FGF14: variants seen among roughly 807,000 people sequenced by gnomAD.
The protein encoded by FGF14 is fibroblast growth factor homologous factor 4.
Under a neutral mutation model 25.5 loss-of-function variants are expected in FGF14, and 5 were observed. The ratio of observed to expected loss-of-function variants is 0.20; its 90% CI spans 0.10 to 0.41. FGF14 has a LOEUF of 0.41. FGF14 is among the 10% of genes least tolerant of loss of function. FGF14 has a pLI of 1.00. For synonymous variants in FGF14, 138 were observed against 118.3 expected (o/e 1.17, Z -1.08); for missense variants, 222 against 320.1 (o/e 0.69, Z 2.34).
intron 3 of FGF14, among the ~76,000 whole-genome samples, chr13:101,730,600 A>C (rs1279714358): frequency 6.6e-6 from 1 of 152,230 alleles, no homozygotes; most frequent in South Asian, 2.1e-4. Flanking sequence ...GAGTAATTGC[A>C]CAGTCATACT....
At chr13:102,087,407 C>G (rs2607645) in intron 1 of FGF14, among the ~76,000 whole-genome samples, 1 of 84,446 alleles carries the variant, frequency 1.2e-5, no homozygotes, top group African/African-American at 4.4e-5. Context: ...ACTGTAATTT[C>G]TTTTTTTTTT....
At chr13:102,266,366 G>A (rs1425869518) in intron 1 of FGF14, among the ~76,000 whole-genome samples, 4 of 152,068 alleles carry the variant, frequency 2.6e-5, no homozygotes, top group South Asian at 2.1e-4. Flanking sequence ...ATTGCATACC[G>A]AGGTCACCAT....
intron 1 of FGF14, among the ~76,000 whole-genome samples, chr13:102,242,601 C>T (rs1175059207): frequency 1.3e-5 from 2 of 152,090 alleles, no homozygotes; most frequent in Non-Finnish European, 2.9e-5. Flanking sequence ...CAGCATTGAT[C>T]CATTCCTGAG....
chr13:101,819,523 G>A (rs1351566788), intron 3 of FGF14, among the ~76,000 whole-genome samples: 1 of 152,134 alleles, frequency 6.6e-6, no homozygotes, highest in Admixed American at 6.5e-5. Context: ...TGATGTAAAA[G>A]TAAACTTAAA....
intron 1 of FGF14, among the ~76,000 whole-genome samples, chr13:102,278,847 T>A (rs1045488539): frequency 6.6e-6 from 1 of 152,058 alleles, no homozygotes; most frequent in Non-Finnish European, 1.5e-5. Context: ...GGTGCAATGA[T>A]GAAGTATAAA....
At chr13:102,196,640 C>A (rs1254799827) in intron 1 of FGF14, among the ~76,000 whole-genome samples, 1 of 152,130 alleles carries the variant, frequency 6.6e-6, no homozygotes, top group Non-Finnish European at 1.5e-5. Flanking sequence ...ATGATTAAAT[C>A]AGACTAATTA....
chr13:102,354,412 A>T (rs1272323976), intron 1 of FGF14, among the ~76,000 whole-genome samples: 1 of 152,198 alleles, frequency 6.6e-6, no homozygotes, highest in Non-Finnish European at 1.5e-5. Flanking sequence ...GGCTGATCAA[A>T]GACTCAAAAG....
chr13:102,176,746 G>C (rs2048466210), intron 1 of FGF14, among the ~76,000 whole-genome samples: 1 of 152,040 alleles, frequency 6.6e-6, no homozygotes, highest in African/African-American at 2.4e-5. Flanking sequence ...AAAAAACAAA[G>C]AGGCACAAGG....
At chr13:102,326,282 C>T (rs577144622) in intron 1 of FGF14, among the ~76,000 whole-genome samples, 1 of 152,196 alleles carries the variant, frequency 6.6e-6, no homozygotes, top group African/African-American at 2.4e-5. Context: ...ATTAAATATG[C>T]TAAAGTGACA....
At chr13:101,823,442 ATTTG>A (rs896413043) in intron 3 of FGF14, among the ~76,000 whole-genome samples, 1 of 149,744 alleles carries the variant, frequency 6.7e-6, no homozygotes, top group Non-Finnish European at 1.5e-5. Context: ...ATCTTTATAT[ATTTG>A]TTTGTTTTGA....
chr13:102,035,567 G>A (rs946255284), intron 1 of FGF14, among the ~76,000 whole-genome samples: 4 of 152,128 alleles, frequency 2.6e-5, no homozygotes, highest in African/African-American at 7.2e-5. Flanking sequence ...CCCTGGACCT[G>A]AAGCCAACAT....
At chr13:101,838,441 T>A (rs1046438092) in intron 3 of FGF14, among the ~76,000 whole-genome samples, 1 of 151,990 alleles carries the variant, frequency 6.6e-6, no homozygotes, top group South Asian at 2.1e-4. Flanking sequence ...CAGTGATTCA[T>A]CCTAAAGCCA....
At chr13:102,319,579 T>C (rs1442615856) in intron 1 of FGF14, among the ~76,000 whole-genome samples, 1 of 152,246 alleles carries the variant, frequency 6.6e-6, no homozygotes, top group East Asian at 1.9e-4. Context: ...ACAACTTTGT[T>C]GTCACTGCTA....
At chr13:101,946,091 T>C (rs962217804) in intron 1 of FGF14, among the ~76,000 whole-genome samples, 5 of 152,194 alleles carry the variant, frequency 3.3e-5, no homozygotes, top group Non-Finnish European at 7.3e-5. Context: ...TAATCTTTTA[T>C]ACCTTGGATT....
chr13:102,165,857 G>A (rs1289412659), intron 1 of FGF14, among the ~76,000 whole-genome samples: 1 of 151,462 alleles, frequency 6.6e-6, no homozygotes, highest in African/African-American at 2.4e-5. Flanking sequence ...GGTTGCCAGA[G>A]GCTGGAGGAA....
chr13:102,376,396 A>G (rs2058042004), intron 1 of FGF14, among the ~76,000 whole-genome samples: 4 of 152,150 alleles, frequency 2.6e-5, no homozygotes, highest in Admixed American at 2.6e-4. Flanking sequence ...CCAGTCTCAG[A>G]TATGTCTTTA....
intron 1 of FGF14, among the ~76,000 whole-genome samples, chr13:101,902,715 C>T (rs1316478111): frequency 6.6e-6 from 1 of 152,098 alleles, no homozygotes; most frequent in Non-Finnish European, 1.5e-5. Context: ...TGCAAAATTA[C>T]TATTTACTGA....
chr13:102,357,489 G>A (rs1480437187), intron 1 of FGF14, among the ~76,000 whole-genome samples: 1 of 152,162 alleles, frequency 6.6e-6, no homozygotes, highest in Non-Finnish European at 1.5e-5. Context: ...ATATTTGTTT[G>A]TTAAAATGCA....
At chr13:101,864,857 T>A (rs1433741725) in intron 3 of FGF14, among the ~76,000 whole-genome samples, 1 of 152,138 alleles carries the variant, frequency 6.6e-6, no homozygotes, top group Admixed American at 6.6e-5. Context: ...GCATTTTATG[T>A]AAGATTACCT....
Sources: allele counts gnomAD v4.1 joint callset (sites outside exome capture counted in the v4.1 genomes callset), GRCh38; gene constraint gnomAD v4.1.1; transcripts MANE v1.5; gene names NCBI Gene and HGNC (gene_info 2026-07-23, HGNC 2026-07-21).